PRKAR2B: variants seen among roughly 807,000 people sequenced by gnomAD.
PRKAR2B encodes the protein protein kinase cAMP-dependent type II regulatory subunit beta, also known as cAMP-dependent protein kinase type II-beta regulatory subunit.
A neutral mutation model predicts 49.9 loss-of-function variants in PRKAR2B; 14 were observed. The ratio of observed to expected loss-of-function variants is 0.28; its 90% CI spans 0.19 to 0.44. The LOEUF (loss-of-function observed/expected upper bound fraction) is 0.44, where lower values mean the gene tolerates loss of function less well. Ranked by LOEUF, PRKAR2B falls within the 20% of genes least tolerant of loss-of-function variation. PRKAR2B has a pLI of 1.00. For missense variants in PRKAR2B, 393 were observed against 537.9 expected (o/e 0.73, Z 2.67); for synonymous variants, 196 against 197.7 (o/e 0.99, Z 0.07).
chr7:107,075,198 G>A (rs1381499275), intron 2 of PRKAR2B, among the ~76,000 whole-genome samples: 1 of 151,796 alleles, frequency 6.6e-6, no homozygotes, highest in Admixed American at 6.6e-5. Context: ...TGCCTCTTGG[G>A]TTCAAGCGAT....
chr7:107,091,314 A>G (rs757123447), intron 2 of PRKAR2B, among the ~76,000 whole-genome samples: 2 of 152,238 alleles, frequency 1.3e-5, no homozygotes, highest in East Asian at 1.9e-4. Context: ...AGACATTCAT[A>G]TGTGCATTCT....
intron 2 of PRKAR2B, among the ~76,000 whole-genome samples, chr7:107,086,712 C>T (rs886630592): frequency 2.0e-5 from 3 of 152,130 alleles, no homozygotes; most frequent in Admixed American, 6.5e-5. Context: ...ATCTGCCAAG[C>T]TTGGCCTCCC....
intron 2 of PRKAR2B, chr7:107,078,220 A>AAAAAG (rs911472258): frequency 6.6e-6 from 1 of 151,388 alleles, no homozygotes; most frequent in African/African-American, 2.5e-5. Flanking sequence ...AAAAAAAAGA[A>AAAAAG]AAAAGAAAAG....
At chr7:107,128,137 G>C in intron 3 of PRKAR2B, 75 bp from the exon 4 acceptor site, 1 of 962,444 alleles carries the variant, frequency 1.0e-6, no homozygotes, top group Non-Finnish European at 1.6e-6. Context: ...TCTGATTTTT[G>C]TTAGTTTTTA....
intron 2 of PRKAR2B, among the ~76,000 whole-genome samples, chr7:107,116,118 A>G (rs1795268242): frequency 6.6e-6 from 1 of 152,246 alleles, no homozygotes; most frequent in Non-Finnish European, 1.5e-5. Context: ...TTTATGCCTA[A>G]GGTTAAGGAA....
intron 4 of PRKAR2B, among the ~76,000 whole-genome samples, chr7:107,137,843 C>T (rs1795725480): frequency 6.6e-6 from 1 of 152,102 alleles, no homozygotes; most frequent in Non-Finnish European, 1.5e-5. Flanking sequence ...ATCCTCCTTT[C>T]TCTTTTCTGG....
chr7:107,107,245 G>A (rs937711572), intron 2 of PRKAR2B, among the ~76,000 whole-genome samples: 1 of 152,042 alleles, frequency 6.6e-6, no homozygotes, highest in Non-Finnish European at 1.5e-5. Context: ...GCTGAGGCAG[G>A]AGAATCACTT....
In PRKAR2B at chr7:107,160,097, CCT is replaced by C; in HGVS notation, c.*516_*517del. The C allele has an allele frequency of 6.6e-6, 1 of 152,618 alleles. No homozygotes were observed. 9.5% of individuals were successfully genotyped at this position (152,618 alleles called of 1,614,324 possible). A position where few individuals can be genotyped will look rare whatever the true frequency, so the allele number is the denominator to read the frequency against. The stretch of plus-strand genomic sequence containing the variant: ...TTGATAAGTTATGTGCTGGCCTTGG[CCT>C]ATTGGTGAAATGGTATAAAATATCA... On this transcript the variant is annotated 3_prime_UTR_variant, in exon 11 of 11. Coordinates refer to ENST00000265717, the MANE Select transcript of PRKAR2B (RefSeq NM_002736.3).
intron 3 of PRKAR2B, among the ~76,000 whole-genome samples, chr7:107,124,695 C>CAG (rs1795453139): frequency 6.6e-6 from 1 of 152,192 alleles, no homozygotes; most frequent in Non-Finnish European, 1.5e-5. Context: ...GTTAGGATTA[C>CAG]TGGCGTGAGC....
intron 2 of PRKAR2B, among the ~76,000 whole-genome samples, chr7:107,102,649 T>TA (rs1328753983): frequency 3.3e-5 from 5 of 152,150 alleles, no homozygotes; most frequent in African/African-American, 1.2e-4. Flanking sequence ...ATCAAGAATA[T>TA]ATTTATAAAG....
At chr7:107,092,663 C>T (rs1339410090) in intron 2 of PRKAR2B, among the ~76,000 whole-genome samples, 1 of 152,050 alleles carries the variant, frequency 6.6e-6, no homozygotes, top group African/African-American at 2.4e-5. Context: ...TTTCTGTTTA[C>T]TCACATACTT....
intron 2 of PRKAR2B, among the ~76,000 whole-genome samples, chr7:107,071,480 T>C (rs1466635047): frequency 1.3e-5 from 2 of 152,164 alleles, no homozygotes; most frequent in Non-Finnish European, 2.9e-5. Context: ...TAGATTGTAA[T>C]GCCTTTTGTG....
At chr7:107,156,121 G>A (rs1368775709) in intron 8 of PRKAR2B, among the ~76,000 whole-genome samples, 2 of 152,164 alleles carry the variant, frequency 1.3e-5, no homozygotes, top group Non-Finnish European at 2.9e-5. Context: ...GGGGAGTGAA[G>A]GTAGGGAGAG....
At chr7:107,154,599 C>T (rs1208505626) in intron 8 of PRKAR2B, among the ~76,000 whole-genome samples, 1 of 152,006 alleles carries the variant, frequency 6.6e-6, no homozygotes, top group African/African-American at 2.4e-5. Context: ...ACATATACAC[C>T]CTATATTCTA....
intron 7 of PRKAR2B, among the ~76,000 whole-genome samples, chr7:107,152,432 A>G (rs1796004231): frequency 6.6e-6 from 1 of 152,116 alleles, no homozygotes; most frequent in South Asian, 2.1e-4. Context: ...GGGCTCCTTC[A>G]TTTCTCAGCC....
intron 1 of PRKAR2B, among the ~76,000 whole-genome samples, chr7:107,062,616 A>G (rs1231282646): frequency 6.6e-6 from 1 of 152,216 alleles, no homozygotes; most frequent in Non-Finnish European, 1.5e-5. Context: ...AATGTTTTAT[A>G]TCTTGATTGG....
intron 2 of PRKAR2B, among the ~76,000 whole-genome samples, chr7:107,113,240 C>T (rs1464540792): frequency 6.6e-6 from 1 of 152,096 alleles, no homozygotes; most frequent in African/African-American, 2.4e-5. Context: ...CATTCATTAT[C>T]AGTTAGTATT....
rs1562875696 is a variant in PRKAR2B at position 107,160,643 on chromosome 7, GT to G, written c.*1068del. 2.0e-5 allele frequency: 3 copies of G among 151,980 alleles called. No individual in the cohort carries two copies. The highest frequency in any genetic ancestry group is 7.2e-5 in the African/African-American group (3 of 41,494). 9.4% of individuals were successfully genotyped at this position (151,980 alleles called of 1,614,324 possible). Reference sequence around the variant, plus strand: ...TCAGCAGCCAATATGGGTTTGTTTGGTTTTTTTAATTCTTAAAAACATCCTC... The same window carrying G: ...TCAGCAGCCAATATGGGTTTGTTTGGTTTTTTAATTCTTAAAAACATCCTC... On this transcript the variant is annotated 3_prime_UTR_variant, in exon 11 of 11. Coordinates refer to ENST00000265717, the MANE Select transcript of PRKAR2B (RefSeq NM_002736.3).
intron 2 of PRKAR2B, among the ~76,000 whole-genome samples, chr7:107,084,719 C>T (rs1229222087): frequency 6.6e-6 from 1 of 151,216 alleles, no homozygotes; most frequent in Non-Finnish European, 1.5e-5. Flanking sequence ...CTCCCGGGTT[C>T]ACGCCATTCT....
Sources: allele counts gnomAD v4.1 joint callset (sites outside exome capture counted in the v4.1 genomes callset), GRCh38; gene constraint gnomAD v4.1.1; transcripts MANE v1.5; gene names NCBI Gene and HGNC (gene_info 2026-07-23, HGNC 2026-07-21).